The following ARHGAP26 variants were observed in gnomAD, a reference collection of about 807,000 sequenced individuals.
The protein encoded by ARHGAP26 is rho GTPase-activating protein 26.
Under a neutral mutation model 104.8 loss-of-function variants are expected in ARHGAP26, and 38 were observed. The observed-to-expected ratio is 0.36, with a 90% confidence interval of 0.28 to 0.48. The LOEUF (loss-of-function observed/expected upper bound fraction) is 0.48, where lower values mean the gene tolerates loss of function less well. ARHGAP26 is among the 20% of genes least tolerant of loss of function. The pLI, the probability that ARHGAP26 is intolerant of heterozygous loss-of-function variation, is 0.99. For synonymous variants in ARHGAP26, 341 were observed against 340.0 expected (o/e 1.00, Z -0.03); for missense variants, 704 against 947.9 (o/e 0.74, Z 3.38).
intron 11 of ARHGAP26, among the ~76,000 whole-genome samples, chr5:142,976,693 A>C (rs1011951715): frequency 6.6e-6 from 1 of 152,230 alleles, no homozygotes. Flanking sequence ...ACTTTACTAA[A>C]CTAGATTGGA....
At chr5:143,149,663 T>C (rs1000257256) in intron 20 of ARHGAP26, among the ~76,000 whole-genome samples, 2 of 152,200 alleles carry the variant, frequency 1.3e-5, no homozygotes. Flanking sequence ...CTGAGACGAC[T>C]TGGGTCTCAG....
chr5:142,985,568 C>G (rs1328795765), intron 11 of ARHGAP26, among the ~76,000 whole-genome samples: 1 of 151,678 alleles, frequency 6.6e-6, no homozygotes, highest in Non-Finnish European at 1.5e-5. Context: ...AGGTTTGTTA[C>G]ATATGTATAC....
intron 11 of ARHGAP26, among the ~76,000 whole-genome samples, chr5:142,951,506 G>T (rs759379927): frequency 9.9e-5 from 15 of 152,206 alleles, no homozygotes; most frequent in Non-Finnish European, 2.2e-4. Flanking sequence ...AGGAGGATCA[G>T]TCTGGGATTT....
At chr5:143,099,749 C>T (rs1452153989) in intron 17 of ARHGAP26, among the ~76,000 whole-genome samples, 3 of 152,038 alleles carry the variant, frequency 2.0e-5, no homozygotes, top group South Asian at 2.1e-4. Context: ...GTGGCAATAG[C>T]GGGAAGCAAT....
At chr5:143,081,100 G>A (rs1317507465) in intron 17 of ARHGAP26, among the ~76,000 whole-genome samples, 1 of 152,160 alleles carries the variant, frequency 6.6e-6, no homozygotes, top group Non-Finnish European at 1.5e-5. Flanking sequence ...TTGTGGTGGA[G>A]TGGGTGGGTG....
chr5:142,933,410 C>G (rs1237824104), intron 11 of ARHGAP26, among the ~76,000 whole-genome samples: 1 of 152,002 alleles, frequency 6.6e-6, no homozygotes, highest in East Asian at 1.9e-4. Context: ...GTAACTTGCC[C>G]CAAGTAGCAC....
chr5:142,790,415 C>G (rs1413529620), intron 1 of ARHGAP26, among the ~76,000 whole-genome samples: 1 of 152,142 alleles, frequency 6.6e-6, no homozygotes, highest in Non-Finnish European at 1.5e-5. Context: ...GAATGATATT[C>G]TTACTCATTG....
At chr5:143,117,572 T>A (rs1316229161) in intron 17 of ARHGAP26, among the ~76,000 whole-genome samples, 1 of 152,212 alleles carries the variant, frequency 6.6e-6, no homozygotes, top group African/African-American at 2.4e-5. Flanking sequence ...AAGACTTAGA[T>A]CAATGTGTCT....
chr5:142,886,796 C>G (rs533472338), intron 5 of ARHGAP26, among the ~76,000 whole-genome samples: 1 of 152,270 alleles, frequency 6.6e-6, no homozygotes, highest in African/African-American at 2.4e-5. Context: ...CACTATCCCA[C>G]AGACACAGAT....
chr5:143,214,970 G>A (rs1025907689), intron 22 of ARHGAP26, among the ~76,000 whole-genome samples: 1 of 152,222 alleles, frequency 6.6e-6, no homozygotes, highest in Non-Finnish European at 1.5e-5. Context: ...AGCCAGCCCA[G>A]CCACCTCTCC....
At chr5:143,134,345 T>G (rs1797692641) in intron 19 of ARHGAP26, among the ~76,000 whole-genome samples, 2 of 152,216 alleles carry the variant, frequency 1.3e-5, no homozygotes. Flanking sequence ...AGATCACCTG[T>G]GGACAAACAG....
intron 10 of ARHGAP26, among the ~76,000 whole-genome samples, chr5:142,915,922 G>C (rs1762418664): frequency 6.6e-6 from 1 of 152,074 alleles, no homozygotes; most frequent in Admixed American, 6.6e-5. Context: ...AAAGACTCCT[G>C]TACTTTCCTT....
chr5:143,211,792 C>A (rs997464235), intron 21 of ARHGAP26, among the ~76,000 whole-genome samples: 1 of 152,048 alleles, frequency 6.6e-6, no homozygotes, highest in Non-Finnish European at 1.5e-5. Flanking sequence ...AATTCCTGGG[C>A]TCAAGCAATC....
chr5:143,206,862 C>G (rs1295351371), intron 20 of ARHGAP26, among the ~76,000 whole-genome samples: 1 of 152,244 alleles, frequency 6.6e-6, no homozygotes, highest in African/African-American at 2.4e-5. Flanking sequence ...TGCCTCAGAA[C>G]AAGGCTGGTG....
Position 143,075,105 on chromosome 5 carries a change from G to A in ARHGAP26, c.1538+17358G>A, listed in dbSNP as rs1788801975. Among the ~76,000 whole-genome samples the A allele has an allele frequency of 2.0e-5, 3 of 152,136 alleles. No homozygotes were observed. The South Asian group carries it at 6.2e-4, about 31-fold the overall frequency. On this transcript the variant is annotated intron_variant, in intron 17 of 22. Coordinates refer to ENST00000645722, the MANE Select transcript of ARHGAP26 (RefSeq NM_001135608.3). ...CCTAAAGCTGCATGTTTTCTGTGCT[G>A]GTTACTTTTTAATTATAACTCTAGA...
intron 20 of ARHGAP26, among the ~76,000 whole-genome samples, chr5:143,157,642 A>G (rs567948861): frequency 2.0e-5 from 3 of 152,312 alleles, no homozygotes; most frequent in Non-Finnish European, 2.9e-5. Flanking sequence ...GGGAAATGCT[A>G]TTCTAAATCG....
At chr5:142,922,928 T>C (rs546619193) in intron 10 of ARHGAP26, among the ~76,000 whole-genome samples, 2 of 151,980 alleles carry the variant, frequency 1.3e-5, no homozygotes, top group South Asian at 4.2e-4. Flanking sequence ...GGAAATGGAG[T>C]TTTCCTTCCT....
intron 20 of ARHGAP26, among the ~76,000 whole-genome samples, chr5:143,155,490 A>G (rs946094032): frequency 3.3e-5 from 5 of 152,174 alleles, no homozygotes; most frequent in Non-Finnish European, 7.3e-5. Flanking sequence ...TATGAGATAA[A>G]TGTGTTGGTT....
intron 20 of ARHGAP26, among the ~76,000 whole-genome samples, chr5:143,190,690 T>A (rs1361422261): frequency 6.6e-6 from 1 of 152,208 alleles, no homozygotes; most frequent in East Asian, 1.9e-4. Context: ...TTAAAAATGT[T>A]TGCCCTTCAA....
Sources: gnomAD v4.1 joint callset for allele counts (sites outside exome capture counted in the v4.1 genomes callset) on GRCh38, gnomAD v4.1.1 for gene constraint, MANE v1.5 for transcripts, NCBI Gene and HGNC (gene_info 2026-07-23, HGNC 2026-07-21) for gene names.